GPC6: variants seen among roughly 807,000 people sequenced by gnomAD.
GPC6 encodes the protein glypican 6.
Under a neutral mutation model 55.2 loss-of-function variants are expected in GPC6, and 14 were observed. That is an observed-to-expected ratio of 0.25 (90% CI 0.17 to 0.40). The LOEUF is 0.40. GPC6 is among the 10% of genes least tolerant of loss of function. The pLI is 1.00. For missense variants in GPC6, 641 were observed against 708.5 expected (o/e 0.90, Z 1.08); for synonymous variants, 278 against 259.6 (o/e 1.07, Z -0.68).
At chr13:94,035,859 A>G (rs1343032890) in intron 4 of GPC6, among the ~76,000 whole-genome samples, 1 of 151,990 alleles carries the variant, frequency 6.6e-6, no homozygotes, top group Admixed American at 6.6e-5. Flanking sequence ...AGTTATCTCA[A>G]AAGTAGAACT....
intron 6 of GPC6, among the ~76,000 whole-genome samples, chr13:94,340,582 T>C (rs72632657): frequency 0.037 from 5,666 of 152,264 alleles, 295 homozygotes; most frequent in East Asian, 0.22. Flanking sequence ...GATAGATACA[T>C]GTGTATACAT....
At chr13:93,706,659 T>G (rs183112681) in intron 2 of GPC6, among the ~76,000 whole-genome samples, 1 of 151,986 alleles carries the variant, frequency 6.6e-6, no homozygotes, top group Admixed American at 6.6e-5. Context: ...GAGGAATAAT[T>G]TGACTTGATT....
At chr13:93,278,689 A>G (rs1877846354) in intron 1 of GPC6, among the ~76,000 whole-genome samples, 2 of 152,232 alleles carry the variant, frequency 1.3e-5, no homozygotes, top group South Asian at 4.1e-4. Flanking sequence ...AAAATAATAA[A>G]GCAAAGAAAA....
chr13:93,358,895 T>C lies in GPC6; in HGVS notation c.160+131279T>C, dbSNP rs191068980. ...GTGTTACTGTGTAATAGATGATTAA[T>C]AGGGGAAAGTGTTTTAGGTGATTGT... is the stretch of plus-strand genomic sequence containing the variant. On this transcript the variant is annotated intron_variant, in intron 1 of 8. Transcript: ENST00000377047. Among the ~76,000 whole-genome samples, 260 of 152,178 alleles carry C rather than the reference T, an allele frequency of 1.7e-3. 1 individual carries two copies. The highest frequency in any genetic ancestry group is 5.9e-3 in the African/African-American group (247 of 41,518).
intron 7 of GPC6, among the ~76,000 whole-genome samples, chr13:94,388,797 A>T (rs560242179): frequency 2.0e-5 from 3 of 152,280 alleles, no homozygotes; most frequent in African/African-American, 7.2e-5. Flanking sequence ...ATGAGAAATC[A>T]TCTACCCTCA....
At chr13:94,225,701 C>T (rs1418110527) in intron 4 of GPC6, among the ~76,000 whole-genome samples, 1 of 149,238 alleles carries the variant, frequency 6.7e-6, no homozygotes, top group Non-Finnish European at 1.5e-5. Context: ...ACTGTATAGT[C>T]TTTAAATAGA....
At chr13:93,661,890 T>C (rs1880936541) in intron 2 of GPC6, among the ~76,000 whole-genome samples, 1 of 152,146 alleles carries the variant, frequency 6.6e-6, no homozygotes, top group African/African-American at 2.4e-5. Context: ...TGAGGGGCAC[T>C]ATATGTTTCA....
At chr13:94,261,863 G>C (rs1389460021) in intron 4 of GPC6, among the ~76,000 whole-genome samples, 2 of 152,282 alleles carry the variant, frequency 1.3e-5, no homozygotes, top group East Asian at 3.9e-4. Context: ...AGAAATTATT[G>C]GGAGACAAAC....
chr13:93,824,515 C>T (rs901360960), intron 2 of GPC6, among the ~76,000 whole-genome samples: 18 of 151,906 alleles, frequency 1.2e-4, no homozygotes, highest in African/African-American at 1.9e-4. Context: ...CATTAAGCCA[C>T]GCAAAGAATG....
At chr13:94,152,325 G>A (rs1400731858) in intron 4 of GPC6, among the ~76,000 whole-genome samples, 2 of 152,136 alleles carry the variant, frequency 1.3e-5, no homozygotes, top group Non-Finnish European at 2.9e-5. Flanking sequence ...CATATAACAT[G>A]AGTTTGAACC....
chr13:93,823,521 C>T (rs1048782810), intron 2 of GPC6, among the ~76,000 whole-genome samples: 8 of 151,944 alleles, frequency 5.3e-5, no homozygotes, highest in African/African-American at 1.9e-4. Flanking sequence ...ATCTGATGCC[C>T]GTTAGAAGTC....
chr13:94,312,158 A>AAAAC (rs1876281703), intron 6 of GPC6, among the ~76,000 whole-genome samples: 1 of 152,224 alleles, frequency 6.6e-6, no homozygotes, highest in African/African-American at 2.4e-5. Context: ...TATCTAGGCC[A>AAAAC]AAACAAACAA....
At chr13:93,222,938 C>T (rs571383941), upstream of GPC6, among the ~76,000 whole-genome samples, 731 of 151,252 alleles carry the variant, frequency 4.8e-3, 5 homozygotes, top group African/African-American at 0.015. Context: ...TTGTCTCTTA[C>T]GCAAAAGATG....
chr13:93,898,747 A>C (rs1168123312), intron 3 of GPC6, among the ~76,000 whole-genome samples: 1 of 151,834 alleles, frequency 6.6e-6, no homozygotes, highest in Non-Finnish European at 1.5e-5. Context: ...AATATGGCCA[A>C]GTTTTATGTA....
chr13:94,211,036 G>A (rs893893102), intron 4 of GPC6, among the ~76,000 whole-genome samples: 2 of 152,196 alleles, frequency 1.3e-5, no homozygotes, highest in African/African-American at 2.4e-5. Context: ...AAACAGACAA[G>A]ACTAGGCCAG....
At chr13:93,734,333 A>G (rs1883925947) in intron 2 of GPC6, among the ~76,000 whole-genome samples, 1 of 152,186 alleles carries the variant, frequency 6.6e-6, no homozygotes, top group African/African-American at 2.4e-5. Flanking sequence ...TTATTGTTTC[A>G]CAATGACGTT....
At chr13:93,907,653 G>T (rs944846485) in intron 3 of GPC6, among the ~76,000 whole-genome samples, 4 of 152,072 alleles carry the variant, frequency 2.6e-5, no homozygotes, top group South Asian at 2.1e-4. Flanking sequence ...TTAGTTTAAG[G>T]ATACCCAGCC....
rs555462697 is a variant in GPC6, at chr13:93,513,319, T to TA, written c.161-31943dup. On this transcript the variant is annotated intron_variant, in intron 1 of 8. Transcript: ENST00000377047. ...CCTGGGATGATAAACCAATGACAGT[T>TA]ACAATTGACCTTTTGTTTTCTTTTC... 1.2e-4 allele frequency among the ~76,000 whole-genome samples: 19 copies of TA among 152,348 alleles called. No homozygotes were observed. In the East Asian group the frequency reaches 3.7e-3, roughly 29 times the overall value.
intron 4 of GPC6, among the ~76,000 whole-genome samples, chr13:94,056,911 G>T (rs1217104520): frequency 2.6e-5 from 4 of 152,178 alleles, no homozygotes; most frequent in African/African-American, 9.7e-5. Context: ...TGTTCTGGAT[G>T]TCATTAACAT....
Sources: allele counts gnomAD v4.1 joint callset (sites outside exome capture counted in the v4.1 genomes callset), GRCh38; gene constraint gnomAD v4.1.1; transcripts MANE v1.5; gene names NCBI Gene and HGNC (gene_info 2026-07-23, HGNC 2026-07-21).